BBS9: variants seen among roughly 807,000 people sequenced by gnomAD.
BBS9 encodes the protein Bardet-Biedl syndrome 9, also known as protein PTHB1.
BBS9 carries 89 observed loss-of-function variants against 117.7 expected under a neutral mutation model. The ratio of observed to expected loss-of-function variants is 0.76; its 90% confidence interval spans 0.64 to 0.90. BBS9 has a LOEUF of 0.90. BBS9 is among the 40% of genes least tolerant of loss of function. The pLI is 0.00. For missense variants in BBS9, 982 were observed against 1,042.2 expected (o/e 0.94, Z 0.80); for synonymous variants, 379 against 370.9 (o/e 1.02, Z -0.25).
intron 19 of BBS9, among the ~76,000 whole-genome samples, chr7:33,416,235 G>T (rs560053462): frequency 6.6e-6 from 1 of 151,438 alleles, no homozygotes; most frequent in Non-Finnish European, 1.5e-5. Context: ...GGCCATACGG[G>T]ACCTGCATTT....
At chr7:33,269,810 G>A (rs1799463229) in intron 7 of BBS9, among the ~76,000 whole-genome samples, 1 of 151,910 alleles carries the variant, frequency 6.6e-6, no homozygotes, top group Non-Finnish European at 1.5e-5. Context: ...GGATCACGAG[G>A]TCAGGAAATC....
chr7:33,170,556 C>T (rs1466120851), intron 4 of BBS9, among the ~76,000 whole-genome samples: 261 of 149,856 alleles, frequency 1.7e-3, no homozygotes, highest in African/African-American at 6.1e-3. Flanking sequence ...ACAGGGATGC[C>T]CTCTCTCACC....
Position 33,257,376 on chromosome 7 carries a change from A to G in BBS9, c.583A>G (p.Thr195Ala). The G allele has an allele frequency of 6.2e-7, 1 of 1,613,726 alleles. No individual in the cohort carries two copies. Among genetic ancestry groups the G allele is most frequent in the Non-Finnish European group, 8.5e-7 (1 of 1,179,854 alleles). Residue 195 changes from threonine (T) to alanine (A), a missense_variant, in exon 6 of 23, where the codon ACT becomes GCT. By Grantham distance (58) the Thr-to-Ala change is moderately conservative. Coordinates refer to ENST00000242067, the MANE Select transcript of BBS9 (RefSeq NM_198428.3). The part of the protein sequence containing the change: ...AYSSRTDSFL[T>A]VSSCQQVESY... ...CAGTTCCCGTACAGATTCCTTCCTT[A>G]CTGTCTCTTCCTGCCAACAAGTGGA...
chr7:33,550,364 A>G (rs1332944696), intron 21 of BBS9, among the ~76,000 whole-genome samples: 1 of 152,172 alleles, frequency 6.6e-6, no homozygotes, highest in Non-Finnish European at 1.5e-5. Flanking sequence ...TCAATTACTC[A>G]TGTGAGACAG....
chr7:33,402,835 T>G (rs1422651850), intron 19 of BBS9, among the ~76,000 whole-genome samples: 1 of 151,578 alleles, frequency 6.6e-6, no homozygotes, highest in Non-Finnish European at 1.5e-5. Flanking sequence ...TTTTCAACTC[T>G]TACCTCTCTT....
intron 21 of BBS9, among the ~76,000 whole-genome samples, chr7:33,583,055 G>A (rs2129164074): frequency 6.6e-6 from 1 of 152,272 alleles, no homozygotes; most frequent in South Asian, 2.1e-4. Flanking sequence ...ACCCGCATAT[G>A]TCTGAAAACA....
chr7:33,260,816 C>A (rs557376000), intron 6 of BBS9, among the ~76,000 whole-genome samples: 1 of 152,286 alleles, frequency 6.6e-6, no homozygotes, highest in African/African-American at 2.4e-5. Flanking sequence ...TGTAGGGAGG[C>A]TCCCTAAAAG....
intron 9 of BBS9, among the ~76,000 whole-genome samples, chr7:33,329,381 G>T (rs534482662): frequency 1.3e-5 from 2 of 152,040 alleles, no homozygotes; most frequent in African/African-American, 2.4e-5. Flanking sequence ...ACTAGTTAGG[G>T]ATAGTCACAT....
At chr7:33,479,475 GT>G (rs1348239649) in intron 19 of BBS9, among the ~76,000 whole-genome samples, 6 of 152,146 alleles carry the variant, frequency 3.9e-5, no homozygotes, top group African/African-American at 1.4e-4. Context: ...GTATTCCATG[GT>G]GTATATGTGC....
intron 5 of BBS9, among the ~76,000 whole-genome samples, chr7:33,243,446 G>GT (rs1794852905): frequency 6.6e-6 from 1 of 152,208 alleles, no homozygotes; most frequent in Non-Finnish European, 1.5e-5. Context: ...AGCCTATGCA[G>GT]TATCCAATTA....
At chr7:33,268,776 G>C in intron 7 of BBS9, among the ~76,000 whole-genome samples, 1 of 152,104 alleles carries the variant, frequency 6.6e-6, no homozygotes, top group East Asian at 1.9e-4. Context: ...TTAGTGGCTG[G>C]ATCTCAGACT....
rs1040114554 is a variant in BBS9 at position 33,531,891 on chromosome 7, G to A, written c.2299-2063G>A. On this transcript the variant is annotated intron_variant, in intron 20 of 22. Transcript: ENST00000242067. ...TAAATGATCCTGGGAAAACCCCCAC[G>A]AGACTAGACATAAAGATCTCCAAAG... Among the ~76,000 whole-genome samples, 22 of 152,222 alleles carry A rather than the reference G, an allele frequency of 1.4e-4. 1 individual carries two copies. The highest frequency in any genetic ancestry group is 8.5e-4 in the Admixed American group (13 of 15,282).
intron 21 of BBS9, among the ~76,000 whole-genome samples, chr7:33,574,615 C>G (rs1256954775): frequency 6.6e-6 from 1 of 151,558 alleles, no homozygotes; most frequent in African/African-American, 2.4e-5. Context: ...CCTGGGACCA[C>G]ACAGATTATC....
intron 4 of BBS9, among the ~76,000 whole-genome samples, chr7:33,165,150 A>G (rs1227333061): frequency 6.6e-6 from 1 of 152,120 alleles, no homozygotes; most frequent in Non-Finnish European, 1.5e-5. Context: ...AATGTTGAAT[A>G]TTGTCCCCCA....
intron 9 of BBS9, among the ~76,000 whole-genome samples, chr7:33,300,906 C>G (rs1431286643): frequency 6.6e-6 from 1 of 151,948 alleles, no homozygotes; most frequent in Non-Finnish European, 1.5e-5. Context: ...TTAAAAAAAT[C>G]TGTTTATTTT....
intron 9 of BBS9, among the ~76,000 whole-genome samples, chr7:33,321,136 T>C (rs1811626013): frequency 6.6e-6 from 1 of 152,162 alleles, no homozygotes; most frequent in Non-Finnish European, 1.5e-5. Context: ...TTGGTCACCA[T>C]AGCTCTGTAG....
intron 7 of BBS9, among the ~76,000 whole-genome samples, chr7:33,270,903 A>G (rs966739820): frequency 4.6e-5 from 7 of 152,182 alleles, no homozygotes; most frequent in African/African-American, 1.7e-4. Flanking sequence ...CCCAAGACAC[A>G]TAATCATCAG....
chr7:33,301,991 CT>C (rs1308267752), intron 9 of BBS9, among the ~76,000 whole-genome samples: 1 of 152,110 alleles, frequency 6.6e-6, no homozygotes, highest in East Asian at 1.9e-4. Flanking sequence ...CAGATTATAT[CT>C]TATTGTAGTT....
chr7:33,275,028 A>T (rs1049129968), intron 9 of BBS9, among the ~76,000 whole-genome samples: 12 of 150,808 alleles, frequency 8.0e-5, no homozygotes, highest in African/African-American at 2.9e-4. Context: ...CCATCTGTAG[A>T]ATTCTTCAGT....
Sources: gnomAD v4.1 joint callset for allele counts (sites outside exome capture counted in the v4.1 genomes callset) on GRCh38, gnomAD v4.1.1 for gene constraint, MANE v1.5 for transcripts, NCBI Gene and HGNC (gene_info 2026-07-23, HGNC 2026-07-21) for gene names.